CUX2: variants seen among roughly 807,000 people sequenced by gnomAD.
CUX2 encodes cut like homeobox 2, also known as homeobox protein cut-like 2.
CUX2 carries 40 observed loss-of-function variants against 144.8 expected under a neutral mutation model. The observed-to-expected ratio is 0.28, with a 90% CI of 0.21 to 0.36. The LOEUF (loss-of-function observed/expected upper bound fraction) is 0.36, where lower values mean the gene tolerates loss of function less well. Among genes scored for constraint, CUX2 ranks in the 10% least tolerant of loss-of-function variants. The pLI, the probability that CUX2 is intolerant of heterozygous loss-of-function variation, is 1.00. For missense variants in CUX2, 1,615 were observed against 1,994.0 expected (o/e 0.81, Z 3.62); for synonymous variants, 827 against 875.6 (o/e 0.94, Z 0.98).
chr12:111,291,900 C>T (rs987805254), intron 5 of CUX2, among the ~76,000 whole-genome samples: 5 of 152,126 alleles, frequency 3.3e-5, no homozygotes, highest in African/African-American at 1.2e-4. Flanking sequence ...GCCCCAGTGA[C>T]GAATTCAGCA....
intron 1 of CUX2, among the ~76,000 whole-genome samples, chr12:111,170,886 A>G (rs1878480387): frequency 6.6e-6 from 1 of 152,060 alleles, no homozygotes; most frequent in South Asian, 2.1e-4. Context: ...GGGAATAAGC[A>G]TGTGGAAGCC....
At chr12:111,161,928 G>T (rs1877797257) in intron 1 of CUX2, among the ~76,000 whole-genome samples, 1 of 152,158 alleles carries the variant, frequency 6.6e-6, no homozygotes. Flanking sequence ...TAGAGACAGG[G>T]TATCCCCATG....
chr12:111,203,409 G>A (rs1880726457), intron 1 of CUX2, among the ~76,000 whole-genome samples: 2 of 151,922 alleles, frequency 1.3e-5, no homozygotes. Flanking sequence ...GTTGCACGTG[G>A]TGGAGCACGC....
At chr12:111,136,644 C>T (rs1413296098) in intron 1 of CUX2, among the ~76,000 whole-genome samples, 1 of 152,134 alleles carries the variant, frequency 6.6e-6, no homozygotes. Flanking sequence ...ATGTAGCGTC[C>T]CATGGTTGCT....
intron 1 of CUX2, among the ~76,000 whole-genome samples, chr12:111,122,714 G>C (rs1874765517): frequency 6.6e-6 from 1 of 152,188 alleles, no homozygotes; most frequent in South Asian, 2.1e-4. Context: ...GGGAGATCCT[G>C]CCAATTTGCA....
chr12:111,313,874 C>T (rs1268830459), intron 16 of CUX2, among the ~76,000 whole-genome samples: 1 of 152,164 alleles, frequency 6.6e-6, no homozygotes, highest in Non-Finnish European at 1.5e-5. Flanking sequence ...TCCTCACACC[C>T]AGCACAGCGT....
At chr12:111,259,106 G>A (rs1883985314) in intron 3 of CUX2, among the ~76,000 whole-genome samples, 1 of 150,928 alleles carries the variant, frequency 6.6e-6, no homozygotes, top group Non-Finnish European at 1.5e-5. Flanking sequence ...GTCTTGCTAT[G>A]TTGCCAGGCT....
Position 111,083,782 on chromosome 12 carries a change from G to A in CUX2, c.63+49542G>A, listed in dbSNP as rs550532843. Among the ~76,000 whole-genome samples the A allele has an allele frequency of 2.0e-4, 30 of 152,204 alleles. No individual in the cohort carries two copies. The South Asian group carries it at 5.0e-3, about 25-fold the overall frequency. ...GAGGGAAGCACGGGAGTTTGTAGTC[G>A]TGAACCTTGGGGCTGGCAGGGAGAT... On this transcript the variant is annotated intron_variant, in intron 1 of 21. Transcript: ENST00000261726.
intron 1 of CUX2, among the ~76,000 whole-genome samples, chr12:111,153,713 A>G (rs929103456): frequency 1.3e-5 from 2 of 152,170 alleles, no homozygotes; most frequent in Non-Finnish European, 2.9e-5. Context: ...ATAAGCAAAC[A>G]TATAGTTAAG....
intron 4 of CUX2, among the ~76,000 whole-genome samples, chr12:111,282,233 A>G (rs1885148244): frequency 6.6e-6 from 1 of 151,604 alleles, no homozygotes; most frequent in African/African-American, 2.4e-5. Context: ...GAGGCAGGAG[A>G]ATGGTGTGAA....
intron 4 of CUX2, among the ~76,000 whole-genome samples, chr12:111,288,761 A>G (rs1224238399): frequency 6.6e-6 from 1 of 152,036 alleles, no homozygotes; most frequent in Non-Finnish European, 1.5e-5. Context: ...TCAGGAGTTC[A>G]AGACCAGCTT....
intron 1 of CUX2, among the ~76,000 whole-genome samples, chr12:111,142,706 T>G (rs1049029013): frequency 2.0e-5 from 3 of 152,164 alleles, no homozygotes; most frequent in African/African-American, 7.2e-5. Flanking sequence ...GTTTCATATT[T>G]TATAAAGCTG....
chr12:111,148,353 T>C (rs1478030884), intron 1 of CUX2, among the ~76,000 whole-genome samples: 1 of 128,252 alleles, frequency 7.8e-6, no homozygotes, highest in Non-Finnish European at 1.6e-5. Flanking sequence ...GAAAGTAGAG[T>C]GGTGGGTGTC....
Position 111,293,578 on chromosome 12 carries a change from G to T in CUX2, c.560+9G>T. The T allele has an allele frequency of 6.4e-7, 1 of 1,567,590 alleles. No homozygotes were observed. ...GAGGCGGAAAAACAAAAGTGAGGAA[G>T]GGAAGGTGGGTGGGAGGGAGGAAGG... On this transcript the variant is annotated intron_variant, in intron 6 of 21. Transcript: ENST00000261726. This position sits in a 1 kb window ranked among gnomAD's most constrained non-coding sequence, Gnocchi z 4.5.
chr12:111,295,238 G>A lies in CUX2; in HGVS notation c.561-95G>A, dbSNP rs1885908712. 1 of 1,037,862 alleles carries A rather than the reference G, an allele frequency of 9.6e-7. No homozygotes were observed. The highest frequency in any genetic ancestry group is 1.6e-5 in the African/African-American group (1 of 61,974). 64.3% of individuals were successfully genotyped at this position (1,037,862 alleles called of 1,614,324 possible). On this transcript the variant is annotated intron_variant, in intron 6 of 21. Coordinates refer to ENST00000261726, the MANE Select transcript of CUX2 (RefSeq NM_015267.4). The surrounding 1 kb of genome is among the most constrained non-coding windows in gnomAD (Gnocchi z 5.0). ...GACAGAGGTGCAGGTTACAGGGAGT[G>A]GGCAAGGGGTAGGAAGCAAGATGGG...
chr12:111,333,187 T>A (rs947072798), intron 18 of CUX2, among the ~76,000 whole-genome samples: 1 of 151,696 alleles, frequency 6.6e-6, no homozygotes, highest in Non-Finnish European at 1.5e-5. Flanking sequence ...TCAGCCTGGG[T>A]GAAGTTTTTT....
intron 3 of CUX2, among the ~76,000 whole-genome samples, chr12:111,236,406 G>A (rs1331218632): frequency 1.3e-5 from 2 of 152,172 alleles, no homozygotes; most frequent in Admixed American, 6.5e-5. Context: ...CCTGGGATAG[G>A]GGTTATTATT....
At chr12:111,210,836 C>A (rs1881185751) in intron 1 of CUX2, among the ~76,000 whole-genome samples, 1 of 151,862 alleles carries the variant, frequency 6.6e-6, no homozygotes, top group East Asian at 1.9e-4. Flanking sequence ...ACACTTGAAG[C>A]TTTACACATC....
intron 1 of CUX2, among the ~76,000 whole-genome samples, chr12:111,213,694 A>G (rs1027814458): frequency 2.6e-5 from 4 of 152,230 alleles, no homozygotes; most frequent in East Asian, 1.9e-4. Flanking sequence ...TAAAAGGCGT[A>G]TTTATGAACC....
Sources: gnomAD v4.1 joint callset for allele counts (sites outside exome capture counted in the v4.1 genomes callset) on GRCh38, gnomAD v4.1.1 for gene constraint, Gnocchi (gnomAD v3.1) non-coding constraint, MANE v1.5 for transcripts, NCBI Gene and HGNC (gene_info 2026-07-23, HGNC 2026-07-21) for gene names.